Variants in TENM3 observed in about 807,000 individuals in gnomAD.
TENM3 encodes the protein teneurin-3.
In TENM3, 63 loss-of-function variants were observed where a neutral mutation model predicts 255.1. The observed-to-expected ratio is 0.25, with a 90% CI of 0.20 to 0.30. The LOEUF (loss-of-function observed/expected upper bound fraction) is 0.30, where lower values mean the gene tolerates loss of function less well. Ranked by LOEUF, TENM3 falls within the 10% of genes least tolerant of loss-of-function variation. TENM3 has a pLI of 1.00. For synonymous variants in TENM3, 1,306 were observed against 1,322.3 expected (o/e 0.99, Z 0.27); for missense variants, 2,929 against 3,461.1 (o/e 0.85, Z 3.86).
chr4:181,955,505 CAG>C, the TENM3 span, among the ~76,000 whole-genome samples: 3 of 152,136 alleles, frequency 2.0e-5, no homozygotes, highest in Non-Finnish European at 4.4e-5. Context: ...TCTTACCAGC[CAG>C]AGAGAGCCCC....
chr4:181,484,120 C>T, the TENM3 span, among the ~76,000 whole-genome samples: 3 of 151,910 alleles, frequency 2.0e-5, no homozygotes, highest in South Asian at 2.1e-4. Context: ...TGTGTGCCTG[C>T]GTGTGTGTAT....
At chr4:181,548,268 C>G in the TENM3 span, among the ~76,000 whole-genome samples, 1 of 152,162 alleles carries the variant, frequency 6.6e-6, no homozygotes, top group African/African-American at 2.4e-5. Context: ...CCTCAGGAAT[C>G]TGGAACTAGA....
At chr4:181,932,624 G>A in the TENM3 span, among the ~76,000 whole-genome samples, 1 of 152,178 alleles carries the variant, frequency 6.6e-6, no homozygotes, top group African/African-American at 2.4e-5. Context: ...CAAGGATCTA[G>A]AACCAGAAAT....
chr4:182,416,413 A>C (rs1013862451), intron 3 of TENM3, among the ~76,000 whole-genome samples: 9 of 151,786 alleles, frequency 5.9e-5, no homozygotes, highest in African/African-American at 7.2e-5. Context: ...TTTTCCTCTC[A>C]TATTGCTTTC....
At chr4:181,869,810 CAAG>C in the TENM3 span, among the ~76,000 whole-genome samples, 1 of 151,946 alleles carries the variant, frequency 6.6e-6, no homozygotes, top group Non-Finnish European at 1.5e-5. Flanking sequence ...TAAAATATCA[CAAG>C]AATGCTCAAC....
chr4:181,947,640 A>G, the TENM3 span, among the ~76,000 whole-genome samples: 2 of 152,214 alleles, frequency 1.3e-5, no homozygotes, highest in Admixed American at 6.5e-5. Flanking sequence ...GTTCATAAAT[A>G]AAATAGAAAA....
the TENM3 span, among the ~76,000 whole-genome samples, chr4:181,743,597 G>A: frequency 6.9e-3 from 1,043 of 152,224 alleles, 1 homozygote; most frequent in Non-Finnish European, 0.012. Context: ...CTGGTGAGGC[G>A]AATGCAGCAG....
the TENM3 span, among the ~76,000 whole-genome samples, chr4:181,719,174 CCGCAG>C: frequency 5.3e-5 from 8 of 151,342 alleles, no homozygotes; most frequent in African/African-American, 1.2e-4. Flanking sequence ...CCACTGCAGT[CCGCAG>C]TCCGGCCTGG....
intron 7 of TENM3, among the ~76,000 whole-genome samples, chr4:182,678,383 A>G (rs540434198): frequency 2.6e-5 from 4 of 152,346 alleles, no homozygotes; most frequent in Non-Finnish European, 5.9e-5. Flanking sequence ...GTTTACTGTT[A>G]CTGCCATCCT....
At chr4:181,725,044 T>C in the TENM3 span, among the ~76,000 whole-genome samples, 3 of 152,236 alleles carry the variant, frequency 2.0e-5, no homozygotes, top group Non-Finnish European at 2.9e-5. Context: ...CAGTCTGGAA[T>C]TCCTGTATTT....
chr4:182,755,070 G>A lies in TENM3; in HGVS notation c.4703G>A (p.Arg1568Gln), dbSNP rs1561205065. The change falls in exon 22 of 28, where the codon CGG becomes CAG. Residue 1568 changes from arginine to glutamine, a missense_variant. Physicochemically the swap from Arg to Gln is conservative, Grantham distance 43. This residue lies in a region of TENM3 where 1,608 missense variants were observed against 1,884.4 expected (regional missense o/e 0.85). Coordinates refer to ENST00000511685, the MANE Select transcript of TENM3 (RefSeq NM_001080477.4). The part of the protein sequence containing the change: ...DSNGNTLRIR[R>Q]DPNRMPVRVV... ...AATGGCAACACCCTTAGAATTAGAC[G>A]GGACCCAAATCGCATGCCAGTTCGA... 6.8e-6 allele frequency: 11 copies of A among 1,613,954 alleles called. No homozygotes were observed. The highest frequency in any genetic ancestry group is 9.3e-6 in the Non-Finnish European group (11 of 1,179,898).
chr4:182,170,328 G>C (rs1752018115), intron 1 of TENM3, among the ~76,000 whole-genome samples: 1 of 152,000 alleles, frequency 6.6e-6, no homozygotes, highest in South Asian at 2.1e-4. Flanking sequence ...AGTTATATTT[G>C]TATAATATGC....
intron 1 of TENM3, among the ~76,000 whole-genome samples, chr4:182,252,797 C>CTTCA (rs35564322): frequency 0.22 from 32,837 of 152,004 alleles, 3,855 homozygotes; most frequent in Middle Eastern, 0.27. Context: ...GTGCCAGGAG[C>CTTCA]TTCACCGTGT....
the TENM3 span, among the ~76,000 whole-genome samples, chr4:182,108,786 G>T: frequency 6.6e-6 from 1 of 152,124 alleles, no homozygotes; most frequent in Non-Finnish European, 1.5e-5. Flanking sequence ...CCCCCTTAGG[G>T]TTCCTTGAAT....
At chr4:181,993,046 AC>A in the TENM3 span, among the ~76,000 whole-genome samples, 1 of 152,130 alleles carries the variant, frequency 6.6e-6, no homozygotes, top group Admixed American at 6.6e-5. Flanking sequence ...GATGTTAGAC[AC>A]CAGCATTGTA....
intron 5 of TENM3, among the ~76,000 whole-genome samples, chr4:182,633,602 G>A (rs1017852313): frequency 4.6e-5 from 7 of 152,364 alleles, no homozygotes; most frequent in South Asian, 2.1e-4. Flanking sequence ...GGAGAAATGC[G>A]AAATATCTGC....
chr4:181,867,997 C>T, the TENM3 span, among the ~76,000 whole-genome samples: 4 of 152,080 alleles, frequency 2.6e-5, no homozygotes, highest in Admixed American at 2.6e-4. Flanking sequence ...GTTATTTCTT[C>T]CAGACATCTG....
At chr4:182,463,100 G>A (rs753669896) in intron 3 of TENM3, among the ~76,000 whole-genome samples, 38 of 152,058 alleles carry the variant, frequency 2.5e-4, no homozygotes, top group Non-Finnish European at 4.0e-4. Context: ...AACAATCCTC[G>A]TGTACATGGT....
chr4:182,743,463 G>A, intron 19 of TENM3, 44 bp downstream of exon 19: 1 of 1,591,724 alleles, frequency 6.3e-7, no homozygotes, highest in East Asian at 2.3e-5. Flanking sequence ...AGCTAAACGT[G>A]CCTCTTTAAA....
Sources: gnomAD v4.1 joint callset for allele counts (sites outside exome capture counted in the v4.1 genomes callset) on GRCh38, gnomAD v4.1.1 for gene constraint, gnomAD v4.1.1 regional missense constraint, MANE v1.5 for transcripts, NCBI Gene and HGNC (gene_info 2026-07-23, HGNC 2026-07-21) for gene names.